The following DTNA variants were observed in gnomAD, a reference collection of about 807,000 sequenced individuals.
DTNA encodes the protein dystrophin-related protein 3.
In DTNA, 43 loss-of-function variants were observed where a neutral mutation model predicts 100.7. The ratio of observed to expected loss-of-function variants is 0.43; its 90% CI spans 0.33 to 0.55. The LOEUF is 0.55. Among genes scored for constraint, DTNA ranks in the 20% least tolerant of loss-of-function variants. The pLI, the probability that DTNA is intolerant of heterozygous loss-of-function variation, is 0.04. For missense variants in DTNA, 798 were observed against 953.9 expected (o/e 0.84, Z 2.15); for synonymous variants, 349 against 347.9 (o/e 1.00, Z -0.04).
chr18:34,829,579 A>C, intron 11 of DTNA, 90 bp downstream of exon 11: 133 of 1,298,180 alleles, frequency 1.0e-4, no homozygotes, highest in Non-Finnish European at 1.2e-4. Context: ...AAATCCTCTC[A>C]TAGTACGTCT....
intron 1 of DTNA, among the ~76,000 whole-genome samples, chr18:34,582,002 A>G (rs533078073): frequency 7.9e-5 from 12 of 152,320 alleles, no homozygotes; most frequent in Admixed American, 5.2e-4. Context: ...TTTAAAAGCT[A>G]TAACGCAAAC....
chr18:34,645,361 A>T (rs2059718401), intron 1 of DTNA, among the ~76,000 whole-genome samples: 1 of 152,092 alleles, frequency 6.6e-6, no homozygotes, highest in Non-Finnish European at 1.5e-5. Flanking sequence ...TGGGTTTTTG[A>T]GCCTGTTCAT....
intron 9 of DTNA, among the ~76,000 whole-genome samples, chr18:34,823,399 A>C (rs2095776166): frequency 6.6e-6 from 1 of 152,188 alleles, no homozygotes; most frequent in African/African-American, 2.4e-5. Flanking sequence ...TAAGCCCACT[A>C]CTTTTATACA....
chr18:34,870,448 G>C (rs1311239235), intron 17 of DTNA, among the ~76,000 whole-genome samples: 2 of 152,182 alleles, frequency 1.3e-5, no homozygotes. Context: ...AAGCGAGGGA[G>C]AGGGATAATT....
At chr18:34,827,773 T>A in intron 10 of DTNA, 97 bp downstream of exon 10, 1 of 1,217,166 alleles carries the variant, frequency 8.2e-7, no homozygotes, top group Non-Finnish European at 1.2e-6. Context: ...AAGGGCAGAA[T>A]ATTGTTACTA....
At chr18:34,753,361 A>T (rs144991100) in intron 1 of DTNA, among the ~76,000 whole-genome samples, 37 of 96,876 alleles carry the variant, frequency 3.8e-4, no homozygotes, top group African/African-American at 1.4e-3. Context: ...TTATTTATTT[A>T]TTTTATTTTT....
rs771299749 is a variant in DTNA at position 34,806,170 on chromosome 18, G to GGTTTT, written c.363-38_363-34dup. ...CTGGAAGTACTCCAAATGACATCAT[G>GGTTTT]GTTTTGTTTTGTTTTTGTTTTTGTT... On this transcript the variant is annotated intron_variant, in intron 4 of 22. Transcript: ENST00000444659. The GGTTTT allele has an allele frequency of 1.7e-5, 26 of 1,516,318 alleles. 1 individual carries two copies. In the East Asian group the frequency reaches 5.7e-4, roughly 33 times the overall value. 93.9% of individuals were successfully genotyped at this position (1,516,318 alleles called of 1,614,324 possible).
chr18:34,540,804 T>C (rs2044176447), intron 1 of DTNA, among the ~76,000 whole-genome samples: 1 of 152,092 alleles, frequency 6.6e-6, no homozygotes, highest in African/African-American at 2.4e-5. Context: ...AAAAACTGCT[T>C]CTCTAAACCA....
At chr18:34,886,648 G>A (rs1239688412) in intron 22 of DTNA, among the ~76,000 whole-genome samples, 1 of 152,162 alleles carries the variant, frequency 6.6e-6, no homozygotes, top group Non-Finnish European at 1.5e-5. Context: ...GAAGTTCCTA[G>A]GCCATTTTTT....
At chr18:34,609,099 GA>G (rs1466074239) in intron 1 of DTNA, among the ~76,000 whole-genome samples, 1 of 152,128 alleles carries the variant, frequency 6.6e-6, no homozygotes, top group Non-Finnish European at 1.5e-5. Flanking sequence ...GCTATCTTCA[GA>G]ATAAGGAGCT....
At chr18:34,792,956 C>T (rs1001680320) in intron 3 of DTNA, among the ~76,000 whole-genome samples, 1 of 152,114 alleles carries the variant, frequency 6.6e-6, no homozygotes, top group Non-Finnish European at 1.5e-5. Flanking sequence ...CCCAAATGTT[C>T]ATCAACAAGT....
At chr18:34,788,251 ATAAC>A (rs1353926827) in intron 3 of DTNA, among the ~76,000 whole-genome samples, 2 of 152,226 alleles carry the variant, frequency 1.3e-5, no homozygotes, top group Admixed American at 1.3e-4. Flanking sequence ...AAACTTCTTA[ATAAC>A]TTCTTAATGA....
At chr18:34,700,099 C>G (rs1007921259) in intron 1 of DTNA, among the ~76,000 whole-genome samples, 3 of 152,284 alleles carry the variant, frequency 2.0e-5, no homozygotes, top group East Asian at 3.9e-4. Flanking sequence ...GAGAAAAGAG[C>G]TTAACTTTGA....
intron 4 of DTNA, among the ~76,000 whole-genome samples, chr18:34,799,911 C>A (rs1280256388): frequency 2.6e-5 from 4 of 152,096 alleles, no homozygotes; most frequent in African/African-American, 9.7e-5. Flanking sequence ...CCTGCCCCGG[C>A]GCTATAAGGA....
chr18:34,582,023 T>C (rs929607096), intron 1 of DTNA, among the ~76,000 whole-genome samples: 2 of 152,222 alleles, frequency 1.3e-5, no homozygotes, highest in African/African-American at 4.8e-5. Context: ...TTATAAATTA[T>C]TAAACCAAAT....
chr18:34,697,935 C>G (rs1278298578), intron 1 of DTNA, among the ~76,000 whole-genome samples: 1 of 152,166 alleles, frequency 6.6e-6, no homozygotes, highest in East Asian at 1.9e-4. Context: ...GCAAAAGAAC[C>G]TCATCATCCT....
At chr18:34,848,218 A>G in intron 13 of DTNA, 78 bp from the exon 14 acceptor site, 1 of 1,423,954 alleles carries the variant, frequency 7.0e-7, no homozygotes, top group Non-Finnish European at 9.8e-7. Context: ...TGAAATAGTA[A>G]AAACTCCTTG....
At chr18:34,531,496 C>T (rs1470652744) in intron 1 of DTNA, among the ~76,000 whole-genome samples, 5 of 152,120 alleles carry the variant, frequency 3.3e-5, no homozygotes, top group Admixed American at 2.6e-4. Context: ...CTTCTTTTGT[C>T]TTGCATTTGC....
intron 1 of DTNA, among the ~76,000 whole-genome samples, chr18:34,619,246 G>T (rs1357450476): frequency 6.6e-6 from 1 of 152,108 alleles, no homozygotes; most frequent in Admixed American, 6.5e-5. Flanking sequence ...ATCATAAAAG[G>T]TCTTTAACAC....
Sources: allele counts gnomAD v4.1 joint callset (sites outside exome capture counted in the v4.1 genomes callset), GRCh38; gene constraint gnomAD v4.1.1; transcripts MANE v1.5; gene names NCBI Gene and HGNC (gene_info 2026-07-23, HGNC 2026-07-21).